Variants in SVOPL observed in about 807,000 individuals in gnomAD.
SVOPL encodes SVOP like.
Under a neutral mutation model 61.0 loss-of-function variants are expected in SVOPL, and 60 were observed. That is an observed-to-expected ratio of 0.98 (90% CI 0.80 to 1.22). The LOEUF is 1.22. Among genes scored for constraint, SVOPL ranks in the 50% most tolerant of loss-of-function variants. The pLI is 0.00. For missense variants in SVOPL, 662 were observed against 643.9 expected (o/e 1.03, Z -0.30); for synonymous variants, 279 against 250.0 (o/e 1.12, Z -1.09).
chr7:138,618,593 G>A (rs979618219), intron 14 of SVOPL, among the ~76,000 whole-genome samples: 4 of 152,034 alleles, frequency 2.6e-5, no homozygotes, highest in Non-Finnish European at 4.4e-5. Context: ...CCCAGGAGGC[G>A]GAGGTTGCAG....
intron 1 of SVOPL, among the ~76,000 whole-genome samples, chr7:138,684,177 C>A (rs925112770): frequency 6.6e-6 from 1 of 151,712 alleles, no homozygotes; most frequent in African/African-American, 2.4e-5. Flanking sequence ...ACAGCCTGGC[C>A]AACATGGTGA....
chr7:138,620,108 GTTTTTTT>G (rs1196494059), intron 14 of SVOPL, among the ~76,000 whole-genome samples: 1 of 129,268 alleles, frequency 7.7e-6, no homozygotes, highest in Non-Finnish European at 1.6e-5. Context: ...TTTCTTTTTT[GTTTTTTT>G]TCTGTTTTGT....
intron 9 of SVOPL, among the ~76,000 whole-genome samples, chr7:138,633,478 C>G (rs1207290596): frequency 6.6e-6 from 1 of 152,094 alleles, no homozygotes; most frequent in Non-Finnish European, 1.5e-5. Context: ...ATGCCTGCTC[C>G]CTGTTCACTT....
At chr7:138,632,457 T>G (rs1254495055) in intron 9 of SVOPL, among the ~76,000 whole-genome samples, 1 of 123,832 alleles carries the variant, frequency 8.1e-6, no homozygotes, top group Admixed American at 7.1e-5. Context: ...GACAGATGAC[T>G]GTGAAGAAGA....
Position 138,631,960 on chromosome 7 carries a change from T to TCACACACACACACACACACACA in SVOPL, c.790-1860_790-1839dup, listed in dbSNP as rs756332176. Among the ~76,000 whole-genome samples, 1,440 of 146,972 alleles carry TCACACACACACACACACACACA rather than the reference T, an allele frequency of 9.8e-3. 14 individuals are homozygous for TCACACACACACACACACACACA. Among genetic ancestry groups the TCACACACACACACACACACACA allele is most frequent in the East Asian group, 0.022 (105 of 4,880 alleles). ...TGGCTCAGTCCCTTCTGCTCTGATA[T>TCACACACACACACACACACACA]CACACACACACACACACACACACAT... On this transcript the variant is annotated intron_variant, in intron 9 of 15. Coordinates refer to ENST00000674285, the MANE Select transcript of SVOPL (RefSeq NM_001139456.2).
intron 5 of SVOPL, chr7:138,661,512 G>C: frequency 1.0e-6 from 1 of 984,910 alleles, no homozygotes; most frequent in Non-Finnish European, 1.2e-6. Flanking sequence ...CAGGGTAATT[G>C]TATTTCATTT....
chr7:138,633,164 G>A (rs924207853), intron 9 of SVOPL, among the ~76,000 whole-genome samples: 8 of 152,172 alleles, frequency 5.3e-5, no homozygotes, highest in Non-Finnish European at 1.0e-4. Flanking sequence ...CCATGAGAGT[G>A]TATTTCCAAT....
At chr7:138,681,346 A>G (rs1481167292) in intron 1 of SVOPL, among the ~76,000 whole-genome samples, 1 of 148,800 alleles carries the variant, frequency 6.7e-6, no homozygotes, top group Non-Finnish European at 1.5e-5. Context: ...CAAATATATT[A>G]ACAAATATTA....
At chr7:138,666,404 A>G (rs925675739) in intron 4 of SVOPL, among the ~76,000 whole-genome samples, 1 of 152,234 alleles carries the variant, frequency 6.6e-6, no homozygotes, top group Non-Finnish European at 1.5e-5. Context: ...TTTATTTCTA[A>G]AAGTTTTTCT....
intron 13 of SVOPL, among the ~76,000 whole-genome samples, chr7:138,622,234 G>A (rs28814874): frequency 2.7e-5 from 1 of 37,388 alleles, no homozygotes; most frequent in Non-Finnish European, 5.6e-5. Flanking sequence ...ATCTATCTAT[G>A]TATCTATCTA....
At chr7:138,623,918 C>T (rs1799785324) in intron 13 of SVOPL, among the ~76,000 whole-genome samples, 1 of 152,078 alleles carries the variant, frequency 6.6e-6, no homozygotes, top group African/African-American at 2.4e-5. Flanking sequence ...CCCCCAGGTT[C>T]ACACGATTCT....
chr7:138,615,429 C>A (rs542205544), intron 14 of SVOPL, among the ~76,000 whole-genome samples: 1 of 151,834 alleles, frequency 6.6e-6, no homozygotes, highest in East Asian at 1.9e-4. Context: ...TGGTGGCGGG[C>A]GCCTGTAGTC....
Position 138,628,260 on chromosome 7 carries a change from T to A in SVOPL, c.967A>T (p.Thr323Ser). ...TGGCTCTCCCCTGAGTCCCCCCCAG[T>A]CACCACCACCGCAGAGTCTGACTTT... ...GSKSDSAVVV[T>S]GGDSGESQSP... The change falls in exon 11 of 16, where the codon ACT becomes TCT. Residue 323 changes from threonine to serine, a missense_variant. Thr to Ser is a moderately conservative substitution (Grantham distance 58). Transcript: ENST00000674285. 1 of 1,613,996 alleles carries A rather than the reference T, an allele frequency of 6.2e-7. No homozygotes were observed. Among genetic ancestry groups the A allele is most frequent in the Non-Finnish European group, 8.5e-7 (1 of 1,179,998 alleles).
chr7:138,596,814 A>G, intron 14 of SVOPL: 1 of 1,125,216 alleles, frequency 8.9e-7, no homozygotes, highest in Non-Finnish European at 1.1e-6. Context: ...TGATATATGG[A>G]AAAGATGGGG....
At chr7:138,611,850 C>G (rs1407277954) in intron 14 of SVOPL, among the ~76,000 whole-genome samples, 2 of 71,936 alleles carry the variant, frequency 2.8e-5, no homozygotes, top group Admixed American at 2.2e-4. Flanking sequence ...TCCCAAAGTG[C>G]CGAGATTGCA....
chr7:138,684,407 A>G (rs1481183101), intron 1 of SVOPL, among the ~76,000 whole-genome samples: 3 of 151,790 alleles, frequency 2.0e-5, no homozygotes, highest in African/African-American at 7.3e-5. Flanking sequence ...CAACTTGAGC[A>G]AAACTCAAAA....
At chr7:138,700,680 G>A (rs73166906) in intron 1 of SVOPL, among the ~76,000 whole-genome samples, 277 of 2,282 alleles carry the variant, frequency 0.12, no homozygotes, top group Admixed American at 0.18. Flanking sequence ...CCCAGTAAGA[G>A]GATGGATGGA....
intron 14 of SVOPL, among the ~76,000 whole-genome samples, chr7:138,615,598 C>A (rs1477382003): frequency 4.4e-5 from 3 of 67,430 alleles, no homozygotes; most frequent in African/African-American, 1.2e-4. Context: ...AGTTTGAGAC[C>A]AGCCTGGCCA....
intron 9 of SVOPL, among the ~76,000 whole-genome samples, chr7:138,641,659 G>A (rs796755959): frequency 5.4e-4 from 46 of 85,186 alleles, no homozygotes; most frequent in African/African-American, 1.6e-3. Context: ...TGACAAGAGC[G>A]AAACTCCATC....
Sources: gnomAD v4.1 joint callset for allele counts (sites outside exome capture counted in the v4.1 genomes callset) on GRCh38, gnomAD v4.1.1 for gene constraint, MANE v1.5 for transcripts, NCBI Gene and HGNC (gene_info 2026-07-23, HGNC 2026-07-21) for gene names.